Variants in MYH3 observed in about 807,000 individuals in gnomAD.
MYH3 encodes myosin-3.
MYH3 carries 130 observed loss-of-function variants against 238.0 expected under a neutral mutation model. The ratio of observed to expected loss-of-function variants is 0.55; its 90% confidence interval spans 0.47 to 0.63. The LOEUF (loss-of-function observed/expected upper bound fraction) is 0.63. MYH3 is among the 30% of genes least tolerant of loss of function. MYH3 has a pLI of 0.00. For missense variants in MYH3, 1,853 were observed against 2,374.9 expected (o/e 0.78, Z 4.57); for synonymous variants, 880 against 924.1 (o/e 0.95, Z 0.86).
chr17:10,657,656 G>C (rs1282505172), upstream of MYH3, among the ~76,000 whole-genome samples: 1 of 152,148 alleles, frequency 6.6e-6, no homozygotes, highest in Non-Finnish European at 1.5e-5. Flanking sequence ...TGAGCCCCTA[G>C]CTATTGGGCA....
At chr17:10,631,447 A>G (rs951756008) in intron 36 of MYH3, among the ~76,000 whole-genome samples, 164 bp downstream of exon 36, 11 of 152,296 alleles carry the variant, frequency 7.2e-5, no homozygotes, top group Admixed American at 2.0e-4. Context: ...CCCTTCTTCT[A>G]AAGTGCAGGA....
chr17:10,631,470 G>GT (rs2074156115), intron 36 of MYH3, 141 bp downstream of exon 36: 1 of 1,226,850 alleles, frequency 8.2e-7, no homozygotes, highest in African/African-American at 1.5e-5. Context: ...GAACAGGGGA[G>GT]TTTGAGCGGA....
At chr17:10,641,517 T>A in intron 17 of MYH3, 145 bp from the exon 18 acceptor site, 4 of 158,210 alleles carry the variant, frequency 2.5e-5, no homozygotes, top group Non-Finnish European at 5.5e-5. Context: ...TCTTTTTTTT[T>A]TTTTTTTTTT....
At chr17:10,636,614 T>C (rs1460209361) in intron 28 of MYH3, among the ~76,000 whole-genome samples, 2 of 150,958 alleles carry the variant, frequency 1.3e-5, no homozygotes, top group Non-Finnish European at 2.9e-5. Flanking sequence ...TCCCCCAACA[T>C]GGTAAAAGTG....
At chr17:10,663,573 C>T in the MYH3 span, among the ~76,000 whole-genome samples, 14 of 151,998 alleles carry the variant, frequency 9.2e-5, no homozygotes, top group Admixed American at 2.6e-4. Flanking sequence ...ACAGGGAAAG[C>T]CAAGTCGACA....
chr17:10,654,240 T>C lies in MYH3; in HGVS notation c.204+621A>G, dbSNP rs2074407014. Among the ~76,000 whole-genome samples the C allele has an allele frequency of 6.6e-6, 1 of 152,198 alleles. No homozygotes were observed. Among genetic ancestry groups the C allele is most frequent in the Non-Finnish European group, 1.5e-5 (1 of 68,006 alleles). On this transcript the variant is annotated intron_variant, in intron 3 of 40. Coordinates refer to ENST00000583535, the MANE Select transcript of MYH3 (RefSeq NM_002470.4). The surrounding 1 kb of genome is among the most constrained non-coding windows in gnomAD (Gnocchi z 4.5). The stretch of plus-strand genomic sequence containing the variant: ...CTCCATCTCTCTTTCACTCTTTCTT[T>C]CTTTTTTCCTTTTTTTGCTTTTTAC...
chr17:10,638,027 C>T lies in MYH3; in HGVS notation c.3729+16G>A. ...TCTGATGGAAAGCCTTGAGCCACCC[C>T]CACCCCGCGCAGCACCTTAGATTTC... On this transcript the variant is annotated intron_variant, in intron 27 of 40. Coordinates refer to ENST00000583535, the MANE Select transcript of MYH3 (RefSeq NM_002470.4). 1 of 1,613,978 alleles carries T rather than the reference C, an allele frequency of 6.2e-7. No individual in the cohort carries two copies. The highest frequency in any genetic ancestry group is 8.5e-7 in the Non-Finnish European group (1 of 1,180,006).
At chr17:10,671,479 C>T in the MYH3 span, among the ~76,000 whole-genome samples, 1 of 151,198 alleles carries the variant, frequency 6.6e-6, no homozygotes, top group East Asian at 1.9e-4. Flanking sequence ...CAAACTGAGA[C>T]AAAAATTCCA....
chr17:10,631,645 T>C lies in MYH3; in HGVS notation c.5252A>G (p.Asn1751Ser). The C allele has an allele frequency of 3.7e-6, 6 of 1,614,174 alleles. No homozygotes were observed. Among genetic ancestry groups the C allele is most frequent in the Non-Finnish European group, 4.2e-6 (5 of 1,180,028 alleles). ...GGCCTTCTTGGCCTTCTCCTCAGCGTTCCTTGCATCCCTGCTGGCATCTTC... is the reference window on the plus strand; with the variant it reads ...GGCCTTCTTGGCCTTCTCCTCAGCGCTCCTTGCATCCCTGCTGGCATCTTC... ...EVEDASRDAR[N>S]AEEKAKKAIT... is the part of the protein sequence containing the mutation. The change falls in exon 36 of 41, where the codon AAC becomes AGC. Residue 1751 changes from asparagine (N) to serine (S), a missense_variant. Physicochemically the swap from Asn to Ser is conservative, Grantham distance 46 (BLOSUM62 1). Around this residue, in one of 3 missense-constraint regions of MYH3, gnomAD observed 1,044 missense variants for 1,192.6 expected, o/e 0.88. Coordinates refer to ENST00000583535, the MANE Select transcript of MYH3 (RefSeq NM_002470.4).
rs1239362962 is a variant in MYH3 at position 10,631,610 on chromosome 17, C to T, written c.5286+1G>A. The T allele has an allele frequency of 2.5e-6, 4 of 1,614,168 alleles. No homozygotes were observed. Among genetic ancestry groups the T allele is most frequent in the East Asian group, 2.2e-5 (1 of 44,878 alleles). Reference sequence around the variant, plus strand: ...AGGGCAGCAGGAAGGAGACGCCTTACGTCCGTGATGGCCTTCTTGGCCTTC... The same window carrying T: ...AGGGCAGCAGGAAGGAGACGCCTTATGTCCGTGATGGCCTTCTTGGCCTTC... On this transcript the variant is annotated splice_donor_variant, in intron 36 of 40. Transcript: ENST00000583535. LOFTEE classifies it high-confidence loss of function.
Position 10,642,230 on chromosome 17 carries a change from T to C in MYH3, c.1959+10A>G, listed in dbSNP as rs769900117. 2 of 1,611,890 alleles carry C rather than the reference T, an allele frequency of 1.2e-6. No homozygotes were observed. Among genetic ancestry groups the C allele is most frequent in the Admixed American group, 3.3e-5 (2 of 59,968 alleles). On this transcript the variant is annotated intron_variant, in intron 17 of 40. Transcript: ENST00000583535. This position sits in a 1 kb window ranked among gnomAD's most constrained non-coding sequence, Gnocchi z 5.4. ...TCAATTATAAGCAAATAAACTTGTA[T>C]TTTTCTTACCCTGAAAAGGGCAGAG...
At position 10,650,888 on chromosome 17, in the gene MYH3, C is replaced by T. The variant is rs141030030; in HGVS notation, c.506-487G>A. Among the ~76,000 whole-genome samples, 48 of 152,240 alleles carry T rather than the reference C, an allele frequency of 3.2e-4. No individual in the cohort carries two copies. The East Asian group carries it at 9.1e-3, about 29-fold the overall frequency. On this transcript the variant is annotated intron_variant, in intron 5 of 40. Coordinates refer to ENST00000583535, the MANE Select transcript of MYH3 (RefSeq NM_002470.4). ...GAGACTCAGAGAGGGCAAGTCTCCACTCAGAATCAGCCAGTGGCAGCCGGG... is the reference window on the plus strand; with the variant it reads ...GAGACTCAGAGAGGGCAAGTCTCCATTCAGAATCAGCCAGTGGCAGCCGGG...
the MYH3 span, among the ~76,000 whole-genome samples, chr17:10,663,383 G>T: frequency 4.3e-4 from 66 of 152,176 alleles, no homozygotes; most frequent in Non-Finnish European, 9.0e-4. Context: ...GTGGCCCCAG[G>T]GAGGGAATGC....
intron 26 of MYH3, 39 bp downstream of exon 26, chr17:10,638,834 T>A (rs770745733): frequency 6.3e-7 from 1 of 1,588,128 alleles, no homozygotes; most frequent in Non-Finnish European, 8.6e-7. Flanking sequence ...TCACTGTAAG[T>A]GGCCTCACAT....
At chr17:10,639,216 G>C (rs764553122) in intron 24 of MYH3, 27 bp from the exon 25 acceptor site, 30 of 1,613,992 alleles carry the variant, frequency 1.9e-5, no homozygotes, top group Non-Finnish European at 2.5e-5. Context: ...TTCCTTTTGG[G>C]AACAAATGCT....
the MYH3 span, among the ~76,000 whole-genome samples, chr17:10,669,417 G>T: frequency 2.6e-5 from 4 of 152,024 alleles, no homozygotes; most frequent in African/African-American, 4.8e-5. Context: ...GCCAGGCATG[G>T]TGGCTGGCGC....
In MYH3 at chr17:10,640,087, A is replaced by C. The variant is rs2074255529; in HGVS notation, c.2591T>G (p.Leu864Arg). 1 of 1,613,910 alleles carries C rather than the reference A, an allele frequency of 6.2e-7. No individual in the cohort carries two copies. Among genetic ancestry groups the C allele is most frequent in the African/African-American group, 1.3e-5 (1 of 74,880 alleles). ...CTTCCTTTTTGCCTCCGACTTGGCG[A>C]GTTCATCTTTGGTTTTCTGGAATTC... is the stretch of plus-strand genomic sequence containing the variant. ...KEEFQKTKDE[L>R]AKSEAKRKEL... Residue 864 changes from leucine to arginine, a missense_variant, in exon 22 of 41, where the codon CTC becomes CGC. This residue lies in a region of MYH3 where 678 missense variants were observed against 1,058.9 expected (regional missense o/e 0.64). Transcript: ENST00000583535.
chr17:10,654,823 T>C lies in MYH3; in HGVS notation c.204+38A>G. On this transcript the variant is annotated intron_variant, in intron 3 of 40. Coordinates refer to ENST00000583535, the MANE Select transcript of MYH3 (RefSeq NM_002470.4). The surrounding 1 kb of genome is among the most constrained non-coding windows in gnomAD (Gnocchi z 4.5). ...ACCCCAGGCAAGCACAAGGACCAGG[T>C]GGAGGGCCAGCAGCCTGTGGAGGGT... is the stretch of plus-strand genomic sequence containing the variant. 1.3e-6 allele frequency: 2 copies of C among 1,599,440 alleles called. No individual in the cohort carries two copies. Among genetic ancestry groups the C allele is most frequent in the Non-Finnish European group, 1.7e-6 (2 of 1,166,670 alleles).
At chr17:10,660,248 G>C (rs1253981800), upstream of MYH3, among the ~76,000 whole-genome samples, 2 of 152,238 alleles carry the variant, frequency 1.3e-5, no homozygotes, top group Admixed American at 1.3e-4. Flanking sequence ...GTGTTTGCCA[G>C]GTGTAAGTTT....
Sources: gnomAD v4.1 joint callset for allele counts (sites outside exome capture counted in the v4.1 genomes callset) on GRCh38, gnomAD v4.1.1 for gene constraint, gnomAD v4.1.1 regional missense constraint, Gnocchi (gnomAD v3.1) non-coding constraint, MANE v1.5 for transcripts, NCBI Gene and HGNC (gene_info 2026-07-23, HGNC 2026-07-21) for gene names.